Variants in GNG12 observed in about 807,000 individuals in gnomAD.
The protein encoded by GNG12 is G protein subunit gamma 12.
For missense variants in GNG12, 69 were observed against 83.8 expected (o/e 0.82, Z 0.69); for synonymous variants, 28 against 29.7 (o/e 0.94, Z 0.19).
intron 3 of GNG12, among the ~76,000 whole-genome samples, chr1:67,707,017 G>C (rs1033851956): frequency 6.6e-6 from 1 of 152,158 alleles, no homozygotes; most frequent in African/African-American, 2.4e-5. Flanking sequence ...TCACTGCCTA[G>C]TTCTCTCTTG....
intron 1 of GNG12, among the ~76,000 whole-genome samples, chr1:67,818,494 C>T (rs976761622): frequency 7.8e-6 from 1 of 128,226 alleles, no homozygotes; most frequent in African/African-American, 2.9e-5. Context: ...CGAAAAGGAA[C>T]TGCCAAAAAT....
chr1:67,796,465 C>T (rs562469921), intron 1 of GNG12, among the ~76,000 whole-genome samples: 7 of 152,198 alleles, frequency 4.6e-5, no homozygotes, highest in South Asian at 2.1e-4. Flanking sequence ...ACAACGAGTA[C>T]GACTATTTTA....
At chr1:67,784,530 T>A (rs1270236237) in intron 1 of GNG12, among the ~76,000 whole-genome samples, 2 of 151,280 alleles carry the variant, frequency 1.3e-5, no homozygotes, top group Admixed American at 6.6e-5. Flanking sequence ...AAAAAAAGAC[T>A]TTTATTTTGT....
At chr1:67,816,495 T>C (rs1646954429) in intron 1 of GNG12, among the ~76,000 whole-genome samples, 1 of 152,200 alleles carries the variant, frequency 6.6e-6, no homozygotes, top group Non-Finnish European at 1.5e-5. Context: ...ACACTCACCC[T>C]CCAGTCTAGT....
chr1:67,747,450 C>A (rs1646514100), intron 2 of GNG12, among the ~76,000 whole-genome samples: 1 of 152,150 alleles, frequency 6.6e-6, no homozygotes, highest in Non-Finnish European at 1.5e-5. Flanking sequence ...TTCGATGGCC[C>A]AAGACTGTAT....
chr1:67,730,125 G>T (rs1316610798), intron 2 of GNG12, among the ~76,000 whole-genome samples: 1 of 152,140 alleles, frequency 6.6e-6, no homozygotes, highest in East Asian at 1.9e-4. Context: ...ATAGCAAATG[G>T]CAATGAACAA....
intron 1 of GNG12, among the ~76,000 whole-genome samples, chr1:67,817,281 A>G (rs1212545371): frequency 6.6e-6 from 1 of 152,246 alleles, no homozygotes; most frequent in African/African-American, 2.4e-5. Flanking sequence ...ACTGATGGTC[A>G]GGTACTCATC....
intron 2 of GNG12, among the ~76,000 whole-genome samples, chr1:67,725,860 A>G (rs1443205544): frequency 6.6e-6 from 1 of 152,174 alleles, no homozygotes; most frequent in Non-Finnish European, 1.5e-5. Flanking sequence ...GTTCATTAAA[A>G]TTTTTCTTTA....
chr1:67,818,413 G>T (rs866267527), intron 1 of GNG12, among the ~76,000 whole-genome samples: 2,385 of 83,936 alleles, frequency 0.028, 81 homozygotes, highest in African/African-American at 0.089. Context: ...AAGACCAGGG[G>T]TTTTTTTTTT....
chr1:67,817,525 C>T (rs1209388113), intron 1 of GNG12, among the ~76,000 whole-genome samples: 1 of 152,168 alleles, frequency 6.6e-6, no homozygotes, highest in African/African-American at 2.4e-5. Context: ...AACTATGACC[C>T]CATTCCTGAT....
chr1:67,755,364 C>T (rs554689504), intron 2 of GNG12, among the ~76,000 whole-genome samples: 1 of 152,280 alleles, frequency 6.6e-6, no homozygotes, highest in South Asian at 2.1e-4. Flanking sequence ...CTTTTCACTT[C>T]CTATTTTGTC....
At chr1:67,768,886 A>T (rs1646656329) in intron 2 of GNG12, among the ~76,000 whole-genome samples, 1 of 152,212 alleles carries the variant, frequency 6.6e-6, no homozygotes, top group East Asian at 1.9e-4. Context: ...AAATCACCAT[A>T]TGCTTTTAGG....
intron 1 of GNG12, among the ~76,000 whole-genome samples, chr1:67,794,434 C>T: frequency 6.6e-6 from 1 of 152,140 alleles, no homozygotes; most frequent in East Asian, 1.9e-4. Flanking sequence ...AACTTTGAAA[C>T]TGGTCATGAG....
intron 2 of GNG12, among the ~76,000 whole-genome samples, chr1:67,708,511 C>T (rs1312673854): frequency 6.6e-6 from 1 of 152,220 alleles, no homozygotes; most frequent in Non-Finnish European, 1.5e-5. Context: ...TCCTCTCTAG[C>T]CTGAGCTGTT....
chr1:67,722,157 A>G (rs1438259062), intron 2 of GNG12, among the ~76,000 whole-genome samples: 1 of 152,066 alleles, frequency 6.6e-6, no homozygotes, highest in Non-Finnish European at 1.5e-5. Flanking sequence ...CAAACACCTG[A>G]TGGGAGGGTT....
At chr1:67,718,018 G>A (rs924263692) in intron 2 of GNG12, among the ~76,000 whole-genome samples, 2 of 152,330 alleles carry the variant, frequency 1.3e-5, no homozygotes, top group South Asian at 2.1e-4. Flanking sequence ...TGCTCAGCAC[G>A]TGCCTGACAT....
intron 2 of GNG12, among the ~76,000 whole-genome samples, chr1:67,708,015 T>TACGCAAAC (rs1646260283): frequency 6.6e-6 from 1 of 152,192 alleles, no homozygotes; most frequent in African/African-American, 2.4e-5. Flanking sequence ...AGGAAACAAA[T>TACGCAAAC]ACGCAAACAC....
chr1:67,708,131 TC>T (rs1646260887), intron 2 of GNG12, among the ~76,000 whole-genome samples: 1 of 152,262 alleles, frequency 6.6e-6, no homozygotes, highest in Non-Finnish European at 1.5e-5. Flanking sequence ...AGGTTTGATT[TC>T]ATTTCTTTTG....
chr1:67,767,332 C>T (rs930587454), intron 2 of GNG12, among the ~76,000 whole-genome samples: 8 of 152,178 alleles, frequency 5.3e-5, no homozygotes, highest in Admixed American at 2.6e-4. Flanking sequence ...GCCTGAGCTC[C>T]TCCCGCTTAG....
Sources: gnomAD v4.1 joint callset for allele counts (sites outside exome capture counted in the v4.1 genomes callset) on GRCh38, gnomAD v4.1.1 for gene constraint, MANE v1.5 for transcripts, NCBI Gene and HGNC (gene_info 2026-07-23, HGNC 2026-07-21) for gene names.